The following KHDRBS3 variants were observed in gnomAD, a reference collection of about 807,000 sequenced individuals.
The protein encoded by KHDRBS3 is KH domain-containing, RNA-binding, signal transduction-associated protein 3.
In KHDRBS3, 23 loss-of-function variants were observed where a neutral mutation model predicts 45.6. The observed-to-expected ratio is 0.50, with a 90% confidence interval of 0.36 to 0.72. KHDRBS3 has a LOEUF of 0.72. KHDRBS3 is among the 30% of genes least tolerant of loss of function. The pLI is 0.00. For missense variants in KHDRBS3, 352 were observed against 424.8 expected (o/e 0.83, Z 1.51); for synonymous variants, 162 against 156.5 (o/e 1.04, Z -0.26).
At chr8:135,623,407 A>G (rs1043535614) in intron 7 of KHDRBS3, among the ~76,000 whole-genome samples, 5 of 152,206 alleles carry the variant, frequency 3.3e-5, no homozygotes, top group South Asian at 4.1e-4. Flanking sequence ...AGTAAACCTT[A>G]TGAAACCTTA....
chr8:135,458,631 C>T, intron 1 of KHDRBS3: 1 of 343,426 alleles, frequency 2.9e-6, no homozygotes, highest in South Asian at 2.3e-5. Context: ...GCAGGCTGGC[C>T]CTTGGAGAAG....
chr8:135,600,391 A>C (rs966965381), intron 6 of KHDRBS3, among the ~76,000 whole-genome samples: 5 of 152,184 alleles, frequency 3.3e-5, no homozygotes, highest in Non-Finnish European at 7.4e-5. Flanking sequence ...TTCTGAATGA[A>C]ATGATTCACA....
intron 1 of KHDRBS3, among the ~76,000 whole-genome samples, chr8:135,486,295 A>G (rs1015145896): frequency 6.6e-6 from 1 of 152,232 alleles, no homozygotes; most frequent in Non-Finnish European, 1.5e-5. Context: ...GATTCCAGAT[A>G]GTCAAAACAG....
At chr8:135,594,320 G>C (rs1471017051) in intron 6 of KHDRBS3, among the ~76,000 whole-genome samples, 1 of 152,164 alleles carries the variant, frequency 6.6e-6, no homozygotes, top group Non-Finnish European at 1.5e-5. Flanking sequence ...ACAGTACAGG[G>C]TCTGGCCCTC....
chr8:135,489,503 C>T (rs1823031427), intron 1 of KHDRBS3, among the ~76,000 whole-genome samples: 1 of 152,178 alleles, frequency 6.6e-6, no homozygotes, highest in African/African-American at 2.4e-5. Context: ...TATAGTGAAA[C>T]CCTGTCTCTA....
chr8:135,564,224 G>T (rs537011914), intron 5 of KHDRBS3, among the ~76,000 whole-genome samples: 1 of 152,112 alleles, frequency 6.6e-6, no homozygotes, highest in Non-Finnish European at 1.5e-5. Flanking sequence ...TCTTTGTGAC[G>T]CTGGTATTTT....
intron 1 of KHDRBS3, among the ~76,000 whole-genome samples, chr8:135,459,437 G>T (rs1035044792): frequency 2.6e-5 from 4 of 151,978 alleles, no homozygotes; most frequent in African/African-American, 9.7e-5. Context: ...CTAAATAAAA[G>T]AAAAAAAATT....
intron 4 of KHDRBS3, 82 bp from the exon 5 acceptor site, chr8:135,557,366 T>G (rs1826938895): frequency 1.3e-6 from 1 of 756,786 alleles, no homozygotes; most frequent in African/African-American, 1.8e-5. Flanking sequence ...TTTTTTCTAT[T>G]AAGAATTACT....
At chr8:135,585,183 C>T (rs1422564765) in intron 6 of KHDRBS3, among the ~76,000 whole-genome samples, 8 of 147,406 alleles carry the variant, frequency 5.4e-5, no homozygotes, top group South Asian at 4.3e-4. Flanking sequence ...GAGCTGTGAT[C>T]GCCCCACTGC....
chr8:135,643,078 C>T (rs1159218163), intron 7 of KHDRBS3, among the ~76,000 whole-genome samples: 1 of 152,080 alleles, frequency 6.6e-6, no homozygotes, highest in Admixed American at 6.5e-5. Flanking sequence ...CAGGCATGAG[C>T]CACCGCGCCT....
chr8:135,563,370 G>A (rs1026967625), intron 5 of KHDRBS3, among the ~76,000 whole-genome samples: 2 of 152,104 alleles, frequency 1.3e-5, no homozygotes, highest in African/African-American at 4.8e-5. Flanking sequence ...CAGGTGTCTG[G>A]CCGCCTCCCT....
At chr8:135,631,844 C>T (rs1407058975) in intron 7 of KHDRBS3, among the ~76,000 whole-genome samples, 2 of 152,134 alleles carry the variant, frequency 1.3e-5, no homozygotes, top group African/African-American at 4.8e-5. Context: ...GTATGATGTA[C>T]CGTACATAAT....
At chr8:135,613,680 T>G (rs1829797124) in intron 7 of KHDRBS3, among the ~76,000 whole-genome samples, 1 of 151,562 alleles carries the variant, frequency 6.6e-6, no homozygotes. Context: ...TGTTTTATAG[T>G]GAGAGAGGAA....
At chr8:135,552,208 TTCTG>T (rs1200641365) in intron 4 of KHDRBS3, among the ~76,000 whole-genome samples, 1 of 152,152 alleles carries the variant, frequency 6.6e-6, no homozygotes, top group African/African-American at 2.4e-5. Flanking sequence ...TTTAAACTTT[TTCTG>T]TCTTTCTACC....
intron 6 of KHDRBS3, among the ~76,000 whole-genome samples, chr8:135,598,540 C>T (rs905363866): frequency 6.6e-6 from 1 of 152,170 alleles, no homozygotes; most frequent in African/African-American, 2.4e-5. Flanking sequence ...ATATTTTCCT[C>T]ACAGCCCTAA....
At chr8:135,463,992 C>G (rs898058359) in intron 1 of KHDRBS3, among the ~76,000 whole-genome samples, 16 of 152,166 alleles carry the variant, frequency 1.1e-4, no homozygotes, top group Non-Finnish European at 1.9e-4. Flanking sequence ...AGGTTTTATT[C>G]CCTGCGTGCC....
intron 1 of KHDRBS3, among the ~76,000 whole-genome samples, chr8:135,478,814 T>C (rs1822425231): frequency 6.6e-6 from 1 of 152,086 alleles, no homozygotes; most frequent in Non-Finnish European, 1.5e-5. Flanking sequence ...ACTTAAGAGA[T>C]ACAACAAAGC....
chr8:135,607,493 G>C (rs867907880), intron 7 of KHDRBS3, among the ~76,000 whole-genome samples: 1 of 152,102 alleles, frequency 6.6e-6, no homozygotes, highest in African/African-American at 2.4e-5. Context: ...ACTCCTACCT[G>C]TGAATAATGA....
chr8:135,604,118 A>G (rs909084901), intron 6 of KHDRBS3, among the ~76,000 whole-genome samples: 5 of 152,066 alleles, frequency 3.3e-5, no homozygotes, highest in African/African-American at 7.2e-5. Context: ...ATATGCATAC[A>G]TGTTCATAAT....
Sources: gnomAD v4.1 joint callset for allele counts (sites outside exome capture counted in the v4.1 genomes callset) on GRCh38, gnomAD v4.1.1 for gene constraint, MANE v1.5 for transcripts, NCBI Gene and HGNC (gene_info 2026-07-23, HGNC 2026-07-21) for gene names.